NCKAP5: variants seen among roughly 807,000 people sequenced by gnomAD.
NCKAP5 encodes NCK associated protein 5, also known as nck-associated protein 5.
Under a neutral mutation model 167.0 loss-of-function variants are expected in NCKAP5, and 92 were observed. The observed-to-expected ratio is 0.55, with a 90% CI of 0.47 to 0.66. The LOEUF is 0.66. Ranked by LOEUF, NCKAP5 falls within the 30% of genes least tolerant of loss-of-function variation. The pLI is 0.00. For missense variants in NCKAP5, 2,378 were observed against 2,315.0 expected (o/e 1.03, Z -0.56); for synonymous variants, 891 against 877.4 (o/e 1.02, Z -0.27).
rs1026203177 is a variant in NCKAP5 at position 132,934,821 on chromosome 2, T to C, written c.579+28899A>G. 5.9e-5 allele frequency among the ~76,000 whole-genome samples: 9 copies of C among 152,194 alleles called. 2 individuals are homozygous for C. Among genetic ancestry groups the C allele is most frequent in the Admixed American group, 5.9e-4 (9 of 15,284 alleles). ...CATCTCTAATGCCCTCTGGAACCCATTTGAGTGTGGAGAACTCTGTGGCTG... is the reference window on the plus strand; with the variant it reads ...CATCTCTAATGCCCTCTGGAACCCACTTGAGTGTGGAGAACTCTGTGGCTG... On this transcript the variant is annotated intron_variant, in intron 8 of 19. Transcript: ENST00000409261.
chr2:133,475,850 G>A (rs1679834433), intron 3 of NCKAP5, among the ~76,000 whole-genome samples: 1 of 152,126 alleles, frequency 6.6e-6, no homozygotes, highest in African/African-American at 2.4e-5. Flanking sequence ...ATAACTCCAG[G>A]TAAGCTTTCA....
the NCKAP5 span, among the ~76,000 whole-genome samples, chr2:133,670,805 A>C: frequency 6.6e-6 from 1 of 152,216 alleles, no homozygotes; most frequent in Non-Finnish European, 1.5e-5. Context: ...TGAAAGTCAG[A>C]GTGAAAATCA....
At chr2:133,250,245 T>C (rs573569383) in intron 4 of NCKAP5, among the ~76,000 whole-genome samples, 19 of 152,054 alleles carry the variant, frequency 1.2e-4, no homozygotes, top group African/African-American at 4.3e-4. Context: ...ATCAGGACCT[T>C]GACGTGAGGG....
chr2:133,638,581 TG>T, the NCKAP5 span, among the ~76,000 whole-genome samples: 2 of 152,106 alleles, frequency 1.3e-5, no homozygotes, highest in African/African-American at 2.4e-5. Context: ...TTTCCTTGGC[TG>T]GGGGCAGTGG....
intron 3 of NCKAP5, among the ~76,000 whole-genome samples, chr2:133,311,002 C>T (rs1174748447): frequency 1.3e-5 from 2 of 152,164 alleles, no homozygotes; most frequent in Non-Finnish European, 2.9e-5. Context: ...TTTCCCTATA[C>T]GTCAACCAAA....
chr2:133,096,994 T>C (rs967042667), intron 6 of NCKAP5, among the ~76,000 whole-genome samples: 1 of 152,194 alleles, frequency 6.6e-6, no homozygotes, highest in Non-Finnish European at 1.5e-5. Flanking sequence ...TAATGTAAGT[T>C]CTTTTCTTCC....
chr2:133,468,725 C>T (rs981218914), intron 3 of NCKAP5, among the ~76,000 whole-genome samples: 11 of 152,134 alleles, frequency 7.2e-5, no homozygotes, highest in African/African-American at 2.4e-4. Context: ...TTAGGATAGT[C>T]AGCTGTTCTT....
chr2:133,119,304 C>A (rs188910494), intron 6 of NCKAP5, among the ~76,000 whole-genome samples: 4 of 152,000 alleles, frequency 2.6e-5, no homozygotes, highest in African/African-American at 4.8e-5. Flanking sequence ...ATGCCTGGCC[C>A]AGTTTTCCTT....
chr2:133,596,658 G>C, the NCKAP5 span, among the ~76,000 whole-genome samples: 5,416 of 152,282 alleles, frequency 0.036, 163 homozygotes, highest in East Asian at 0.17. Flanking sequence ...AGCAGAAGCA[G>C]GTTCAGGAGT....
chr2:133,631,978 G>C, the NCKAP5 span, among the ~76,000 whole-genome samples: 1 of 152,124 alleles, frequency 6.6e-6, no homozygotes, highest in East Asian at 1.9e-4. Flanking sequence ...ATTTCTCTTC[G>C]GCCTTGCCTA....
chr2:133,069,126 G>A (rs1423371041), intron 6 of NCKAP5, among the ~76,000 whole-genome samples: 1 of 152,118 alleles, frequency 6.6e-6, no homozygotes, highest in African/African-American at 2.4e-5. Flanking sequence ...AGATATTCAC[G>A]GTTCAATGGA....
intron 3 of NCKAP5, among the ~76,000 whole-genome samples, chr2:133,417,233 T>C (rs1165671080): frequency 1.3e-5 from 2 of 152,110 alleles, no homozygotes; most frequent in Non-Finnish European, 2.9e-5. Context: ...CCCCGACACG[T>C]GGAACATTGT....
chr2:133,266,004 C>G (rs1455076111), intron 4 of NCKAP5, among the ~76,000 whole-genome samples: 2 of 152,152 alleles, frequency 1.3e-5, no homozygotes, highest in African/African-American at 2.4e-5. Flanking sequence ...CTTTACGCCC[C>G]CACCCTTTAG....
intron 7 of NCKAP5, among the ~76,000 whole-genome samples, chr2:132,982,010 T>C (rs1406825223): frequency 1.3e-5 from 2 of 152,184 alleles, no homozygotes; most frequent in African/African-American, 4.8e-5. Context: ...CACAGCTTCA[T>C]GATTTTCTCC....
intron 3 of NCKAP5, among the ~76,000 whole-genome samples, chr2:133,358,006 T>A (rs1472180911): frequency 6.6e-6 from 1 of 152,202 alleles, no homozygotes; most frequent in Non-Finnish European, 1.5e-5. Flanking sequence ...CTATTTCCTT[T>A]TCCTGGGGTG....
chr2:133,559,071 G>T lies in NCKAP5; in HGVS notation c.-83C>A, dbSNP rs183993024. ...TTACATGTATTGTGAGTCTATTTTG[G>T]TACAGGCACTTGAGGTAGCTTATCT... On this transcript the variant is annotated 5_prime_UTR_variant, in exon 2 of 20. Coordinates refer to ENST00000409261, the MANE Select transcript of NCKAP5 (RefSeq NM_207363.3). 6.6e-6 allele frequency: 1 copy of T among 152,100 alleles called. No individual in the cohort carries two copies. The highest frequency in any genetic ancestry group is 1.9e-4 in the East Asian group (1 of 5,180). The allele number at this position is 152,100 out of a possible 1,614,324, so 9.4% of individuals were successfully genotyped here. A position where few individuals can be genotyped will look rare whatever the true frequency, so the allele number is the denominator to read the frequency against.
At chr2:133,436,418 T>C (rs1256547185) in intron 3 of NCKAP5, among the ~76,000 whole-genome samples, 1 of 152,220 alleles carries the variant, frequency 6.6e-6, no homozygotes, top group Non-Finnish European at 1.5e-5. Flanking sequence ...TTTGCACCTA[T>C]GGCCACACCA....
At chr2:132,751,591 G>A (rs1239910655) in intron 16 of NCKAP5, among the ~76,000 whole-genome samples, 1 of 152,154 alleles carries the variant, frequency 6.6e-6, no homozygotes, top group African/African-American at 2.4e-5. Flanking sequence ...CAATGCACAT[G>A]CCTACAGCCT....
At chr2:132,680,250 A>T (rs1485214354) in intron 19 of NCKAP5, among the ~76,000 whole-genome samples, 2 of 151,964 alleles carry the variant, frequency 1.3e-5, no homozygotes, top group Admixed American at 1.3e-4. Flanking sequence ...ATAGAGAACC[A>T]CTCTCTCCCT....
Sources: gnomAD v4.1 joint callset for allele counts (sites outside exome capture counted in the v4.1 genomes callset) on GRCh38, gnomAD v4.1.1 for gene constraint, MANE v1.5 for transcripts, NCBI Gene and HGNC (gene_info 2026-07-23, HGNC 2026-07-21) for gene names.